Variants in TMEM43 observed in about 807,000 individuals in gnomAD.
The protein encoded by TMEM43 is arrhythmogenic right ventricular dysplasia 5.
Under a neutral mutation model 49.6 loss-of-function variants are expected in TMEM43, and 45 were observed. That is an observed-to-expected ratio of 0.91 (90% confidence interval 0.71 to 1.16). TMEM43 has a LOEUF of 1.16. Ranked by LOEUF, TMEM43 falls within the 50% of genes most tolerant of loss-of-function variation. The probability of loss-of-function intolerance (pLI) is 0.00; values close to 1 mark genes in which losing one functional copy is unlikely to be tolerated. For synonymous variants in TMEM43, 199 were observed against 207.8 expected, an observed-to-expected ratio of 0.96 and a Z score of 0.36; for missense variants, 532 against 516.6, an observed-to-expected ratio of 1.03 and a Z score of -0.29.
chr3:14,130,748 A>C (rs1468921660), intron 2 of TMEM43, 74 bp from the exon 3 acceptor site: 3 of 1,573,604 alleles, frequency 1.9e-6, no homozygotes, highest in Non-Finnish European at 2.6e-6. Flanking sequence ...ATCCTACCCT[A>C]ATACTTTGCA....
At position 14,132,569 on chromosome 3, in the gene TMEM43, TGAA is replaced by T. The variant is rs746639451; in HGVS notation, c.421_423del (p.Lys141del). 3.1e-5 allele frequency: 50 copies of T among 1,614,028 alleles called. No homozygotes were observed. The Middle Eastern group carries it at 2.0e-3, about 64-fold the overall frequency. On this transcript the variant is annotated inframe_deletion, in exon 5 of 12. Transcript: ENST00000306077. ...AGGGAGTACACCGAGGATGGGCAGG[TGAA>T]GAAGGAGACGAGGTATTCCTACAGT...
At position 14,133,947 on chromosome 3, in the gene TMEM43, G is replaced by A. The variant is rs540188832; in HGVS notation, c.583+138G>A. On this transcript the variant is annotated intron_variant, in intron 7 of 11. Transcript: ENST00000306077. ...CCTTTCCCAGCACCATGCTTTGGGG[G>A]CCAGGGGAAGGCGAATCCCCAGGAA... 77 of 852,368 alleles carry A rather than the reference G, an allele frequency of 9.0e-5. No homozygotes were observed. The South Asian group carries it at 1.0e-3, about 11-fold the overall frequency. 52.8% of individuals were successfully genotyped at this position (852,368 alleles called of 1,614,324 possible). A position where few individuals can be genotyped will look rare whatever the true frequency, so the allele number is the denominator to read the frequency against.
intron 1 of TMEM43, 88 bp downstream of exon 1, chr3:14,125,293 G>T (rs1695002899): frequency 4.0e-6 from 6 of 1,488,906 alleles, no homozygotes; most frequent in Non-Finnish European, 5.5e-6. Context: ...CCATTTCGCC[G>T]CCTGGAGCTC....
intron 4 of TMEM43, among the ~76,000 whole-genome samples, chr3:14,132,001 ATC>A (rs1559360870): frequency 1.3e-5 from 2 of 152,186 alleles, no homozygotes; most frequent in African/African-American, 2.4e-5. Context: ...ACCCCACTGC[ATC>A]TCTCTGTGTT....
Position 14,143,335 on chromosome 3 carries a change from T to TATAA in TMEM43, c.*1543_*1546dup, listed in dbSNP as rs1559364331. On this transcript the variant is annotated 3_prime_UTR_variant, in exon 12 of 12. Coordinates refer to ENST00000306077, the MANE Select transcript of TMEM43 (RefSeq NM_024334.3). ...CTCTATTGGCCTGGGGTGCCTGTGC[T>TATAA]ATAAATGAGTTTCTTCACATGAAAA... 6.6e-6 allele frequency: 1 copy of TATAA among 152,246 alleles called. No individual in the cohort carries two copies. The highest frequency in any genetic ancestry group is 1.9e-4 in the East Asian group (1 of 5,198). 9.4% of individuals were successfully genotyped at this position (152,246 alleles called of 1,614,324 possible). A position where few individuals can be genotyped will look rare whatever the true frequency, so the allele number is the denominator to read the frequency against.
At chr3:14,140,098 T>C (rs2124996009) in intron 11 of TMEM43, among the ~76,000 whole-genome samples, 1 of 152,322 alleles carries the variant, frequency 6.6e-6, no homozygotes, top group Middle Eastern at 3.4e-3. Flanking sequence ...GCTGCACATC[T>C]TGGGCTGTCT....
rs1695217022 is a variant in TMEM43, at chr3:14,139,215, G to T, written c.918G>T (p.Met306Ile). Residue 306 changes from methionine (M) to isoleucine (I), a missense_variant, in exon 11 of 12, where the codon ATG becomes ATT. By Grantham distance (10) the Met-to-Ile change is conservative. Coordinates refer to ENST00000306077, the MANE Select transcript of TMEM43 (RefSeq NM_024334.3). The part of the protein sequence containing the change: ...VFHRELRSNS[M>I]KTWGLRAAGW... ...ATAGAGAACTAAGGAGCAACTCCAT[G>T]AAGACCTGGGGCCTGCGGGCAGCTG... 6.2e-7 allele frequency: 1 copy of T among 1,614,196 alleles called. No individual in the cohort carries two copies. The highest frequency in any genetic ancestry group is 1.7e-5 in the Admixed American group (1 of 60,028).
At chr3:14,126,418 C>T (rs1695022322) in intron 1 of TMEM43, among the ~76,000 whole-genome samples, 1 of 152,136 alleles carries the variant, frequency 6.6e-6, no homozygotes, top group South Asian at 2.1e-4. Context: ...AGGCACTTGC[C>T]CAAGCTCTCG....
At chr3:14,131,741 T>C in intron 4 of TMEM43, 67 bp downstream of exon 4, 1 of 1,141,612 alleles carries the variant, frequency 8.8e-7, no homozygotes, top group Non-Finnish European at 1.3e-6. Context: ...CAGGATAACA[T>C]GCAGATGTCT....
intron 10 of TMEM43, among the ~76,000 whole-genome samples, chr3:14,138,599 C>T (rs2124994631): frequency 6.6e-6 from 1 of 152,192 alleles, no homozygotes; most frequent in East Asian, 1.9e-4. Flanking sequence ...GTGGGAGCTG[C>T]AGGGCTGTGA....
At chr3:14,138,163 G>A (rs892457064) in intron 10 of TMEM43, among the ~76,000 whole-genome samples, 1 of 152,174 alleles carries the variant, frequency 6.6e-6, no homozygotes, top group African/African-American at 2.4e-5. Flanking sequence ...AAGCTCAAAA[G>A]AATATGTAGG....
intron 10 of TMEM43, 32 bp from the exon 11 acceptor site, chr3:14,139,148 G>T: frequency 6.5e-7 from 1 of 1,534,070 alleles, no homozygotes; most frequent in Admixed American, 1.7e-5. Context: ...CTGGCCCTCA[G>T]CATCCTGACC....
Position 14,135,825 on chromosome 3 carries a change from C to A in TMEM43, c.799C>A (p.Gln267Lys). ...PAHVVTVIAR[Q>K]RGDQLVPFST... ...TGACCAGGTCACTGTGATTGCCCGG[C>A]AGCGGGGTGACCAGCTAGTCCCATT... Residue 267 changes from glutamine (Q) to lysine (K), a missense_variant, in exon 10 of 12, where the codon CAG becomes AAG. Gln to Lys is a moderately conservative substitution (Grantham distance 53, BLOSUM62 1). Transcript: ENST00000306077. 6.2e-7 allele frequency: 1 copy of A among 1,613,570 alleles called. No individual in the cohort carries two copies. Among genetic ancestry groups the A allele is most frequent in the Non-Finnish European group, 8.5e-7 (1 of 1,180,028 alleles).
intron 10 of TMEM43, chr3:14,137,280 C>G (rs183612255): frequency 7.3e-6 from 1 of 137,206 alleles, no homozygotes; most frequent in Non-Finnish European, 1.5e-5. Context: ...ACCCTTCCAC[C>G]AGCAGCTGAG....
rs376702920 is a variant in TMEM43 at position 14,135,771 on chromosome 3, T to C, written c.781-36T>C. 2.9e-5 allele frequency: 46 copies of C among 1,578,950 alleles called. 1 individual carries two copies. The Middle Eastern group carries it at 8.9e-4, about 31-fold the overall frequency. Reference sequence around the variant, plus strand: ...CTCTCGTGGGCGTGTCTCCCGCTGGTCACCCCTCAGCTCTAACACCAGGTC... The same window carrying C: ...CTCTCGTGGGCGTGTCTCCCGCTGGCCACCCCTCAGCTCTAACACCAGGTC... On this transcript the variant is annotated intron_variant, in intron 9 of 11. Coordinates refer to ENST00000306077, the MANE Select transcript of TMEM43 (RefSeq NM_024334.3).
At chr3:14,127,029 A>G (rs1189849801) in intron 1 of TMEM43, among the ~76,000 whole-genome samples, 5 of 152,140 alleles carry the variant, frequency 3.3e-5, no homozygotes, top group South Asian at 2.1e-4. Context: ...TCCAGGGCCT[A>G]TGTGTCAGCC....
At chr3:14,126,808 A>T (rs540298807) in intron 1 of TMEM43, among the ~76,000 whole-genome samples, 1 of 152,344 alleles carries the variant, frequency 6.6e-6, no homozygotes, top group Admixed American at 6.5e-5. Context: ...TACAGCAGCC[A>T]CTAGGCTGGG....
intron 1 of TMEM43, 180 bp from the exon 2 acceptor site, chr3:14,129,232 T>C (rs1290462956): frequency 1.8e-6 from 1 of 543,544 alleles, no homozygotes; most frequent in Non-Finnish European, 3.1e-6. Flanking sequence ...GTTGGTCAGA[T>C]GGAATATACG....
intron 1 of TMEM43, 66 bp downstream of exon 1, chr3:14,125,271 G>A: frequency 6.5e-7 from 1 of 1,548,520 alleles, no homozygotes. Context: ...TTTTCCCCGG[G>A]GTCCTCTAGG....
Sources: gnomAD v4.1 joint callset for allele counts (sites outside exome capture counted in the v4.1 genomes callset) on GRCh38, gnomAD v4.1.1 for gene constraint, MANE v1.5 for transcripts, NCBI Gene and HGNC (gene_info 2026-07-23, HGNC 2026-07-21) for gene names.